Variants in SMAD4 observed in about 807,000 individuals in gnomAD.
SMAD4 encodes MAD homolog 4.
Under a neutral mutation model 63.2 loss-of-function variants are expected in SMAD4, and 7 were observed. The observed-to-expected ratio is 0.11, with a 90% CI of 0.06 to 0.21. The LOEUF (loss-of-function observed/expected upper bound fraction) is 0.21, where lower values mean the gene tolerates loss of function less well. Among genes scored for constraint, SMAD4 ranks in the 10% least tolerant of loss-of-function variants. The pLI, the probability that SMAD4 is intolerant of heterozygous loss-of-function variation, is 1.00. For missense variants in SMAD4, 312 were observed against 693.8 expected, an observed-to-expected ratio of 0.45 and a Z score of 6.18; for synonymous variants, 215 against 235.4, an observed-to-expected ratio of 0.91 and a Z score of 0.79.
chr18:51,070,045 T>C (rs1910274867), intron 10 of SMAD4, among the ~76,000 whole-genome samples: 2 of 152,226 alleles, frequency 1.3e-5, no homozygotes, highest in Admixed American at 1.3e-4. Flanking sequence ...TTGTATGTGG[T>C]TGAAGCAGAG....
intron 1 of SMAD4, 29 bp downstream of exon 1, chr18:51,030,652 C>T (rs1272486624): frequency 6.7e-6 from 1 of 149,658 alleles, no homozygotes; most frequent in East Asian, 2.0e-4. Flanking sequence ...CTCCCCTTCC[C>T]CCGGCCGGGC....
rs8096092 is a variant in SMAD4 at position 51,055,231 on chromosome 18, C to A, written c.667+238C>A. Among the ~76,000 whole-genome samples, 58,781 of 151,950 alleles carry A rather than the reference C, an allele frequency of 0.39. 11,421 individuals are homozygous for A. Among genetic ancestry groups the A allele is most frequent in the East Asian group, 0.45 (2,328 of 5,182 alleles). ...ATTTATACTTTACTATTACATGTAG[C>A]AGTAAGTAGCCTCTTAAGCTCCCAG... On this transcript the variant is annotated intron_variant, in intron 5 of 11. Coordinates refer to ENST00000342988, the MANE Select transcript of SMAD4 (RefSeq NM_005359.6).
chr18:51,049,095 T>C (rs1909631288), intron 3 of SMAD4, among the ~76,000 whole-genome samples, 200 bp from the exon 4 acceptor site: 1 of 152,236 alleles, frequency 6.6e-6, no homozygotes, highest in South Asian at 2.1e-4. Context: ...AACATTGTTT[T>C]TGAGAAATAA....
At chr18:51,069,646 A>G (rs911055641) in intron 10 of SMAD4, among the ~76,000 whole-genome samples, 2 of 152,198 alleles carry the variant, frequency 1.3e-5, no homozygotes, top group Non-Finnish European at 2.9e-5. Flanking sequence ...TCCTGAGGAA[A>G]TTGAGTTCCA....
intron 1 of SMAD4, among the ~76,000 whole-genome samples, chr18:51,037,137 T>C (rs1909230617): frequency 6.6e-6 from 1 of 152,218 alleles, no homozygotes. Context: ...TGAGCTGAGA[T>C]TGTGCCACTG....
chr18:51,065,185 T>TA (rs774723383), intron 8 of SMAD4, among the ~76,000 whole-genome samples: 183 of 148,638 alleles, frequency 1.2e-3, no homozygotes, highest in Non-Finnish European at 1.9e-3. Flanking sequence ...AATTGGAAAT[T>TA]AAAAAAAAAA....
At position 51,084,016 on chromosome 18, in the gene SMAD4, AC is replaced by A; in HGVS notation, c.*5550del. ...CGCGCGTGCGCACGCGCGCGCGCAC[AC>A]ACACACACACACACACACACACACA... On this transcript the variant is annotated 3_prime_UTR_variant, in exon 12 of 12. Transcript: ENST00000342988. The A allele has an allele frequency of 1.2e-5, 1 of 84,752 alleles. No individual in the cohort carries two copies. Among genetic ancestry groups the A allele is most frequent in the Non-Finnish European group, 2.3e-5 (1 of 43,474 alleles). The allele number at this position is 84,752 out of a possible 1,614,324, so 5.2% of individuals were successfully genotyped here. A position where few individuals can be genotyped will look rare whatever the true frequency, so the allele number is the denominator to read the frequency against.
At chr18:51,044,241 C>G (rs1909472865) in intron 1 of SMAD4, among the ~76,000 whole-genome samples, 1 of 151,730 alleles carries the variant, frequency 6.6e-6, no homozygotes, top group Non-Finnish European at 1.5e-5. Context: ...AACTCCTGAG[C>G]TCAAGCAGTC....
rs1291154249 is a variant in SMAD4 at position 51,082,513 on chromosome 18, T to A, written c.*4046T>A. On this transcript the variant is annotated 3_prime_UTR_variant, in exon 12 of 12. Transcript: ENST00000342988. The stretch of plus-strand genomic sequence containing the variant: ...TCTGGAATCACTGTGGAGTGAAATT[T>A]TCCACATCATCCAGAATTGCCTTAT... 4.4e-6 allele frequency: 1 copy of A among 228,966 alleles called. No homozygotes were observed. The highest frequency in any genetic ancestry group is 8.7e-6 in the Non-Finnish European group (1 of 115,438). The allele number at this position is 228,966 out of a possible 1,614,324, so 14.2% of individuals were successfully genotyped here.
chr18:51,048,620 A>C, intron 2 of SMAD4, 66 bp from the exon 3 acceptor site: 1 of 1,397,860 alleles, frequency 7.2e-7, no homozygotes, highest in Middle Eastern at 1.8e-4. Context: ...GTGAGGATTA[A>C]ATCAGAATAT....
intron 1 of SMAD4, among the ~76,000 whole-genome samples, chr18:51,036,083 C>A (rs1909195769): frequency 1.3e-5 from 2 of 152,230 alleles, no homozygotes; most frequent in Admixed American, 1.3e-4. Context: ...TTCAAGAGAT[C>A]TTGCCTCAGC....
intron 11 of SMAD4, chr18:51,077,452 GT>G: frequency 3.3e-6 from 3 of 918,630 alleles, no homozygotes; most frequent in Non-Finnish European, 3.9e-6. Flanking sequence ...GAAAACTGCA[GT>G]GGCCCTGCAG....
At chr18:51,057,970 G>A (rs574531329) in intron 5 of SMAD4, among the ~76,000 whole-genome samples, 155 bp from the exon 6 acceptor site, 22 of 152,332 alleles carry the variant, frequency 1.4e-4, no homozygotes, top group African/African-American at 5.1e-4. Flanking sequence ...ATAGATGACT[G>A]TAGGTTTTTT....
intron 7 of SMAD4, among the ~76,000 whole-genome samples, chr18:51,059,139 T>C (rs1599190584): frequency 6.6e-6 from 1 of 152,164 alleles, no homozygotes; most frequent in South Asian, 2.1e-4. Context: ...TATAAACAGG[T>C]ATATGTAAAT....
Position 51,083,878 on chromosome 18 carries a change from G to A in SMAD4, c.*5411G>A, listed in dbSNP as rs1242835588. The A allele has an allele frequency of 4.3e-6, 1 of 231,410 alleles. No individual in the cohort carries two copies. The highest frequency in any genetic ancestry group is 2.2e-5 in the African/African-American group (1 of 45,196). 14.3% of individuals were successfully genotyped at this position (231,410 alleles called of 1,614,324 possible). A position where few individuals can be genotyped will look rare whatever the true frequency, so the allele number is the denominator to read the frequency against. On this transcript the variant is annotated 3_prime_UTR_variant, in exon 12 of 12. Transcript: ENST00000342988. ...TTCCATGTTATTCAAAGGAGACTAG[G>A]CTTGATATTTTATTACTGTTCTTTT... is the stretch of plus-strand genomic sequence containing the variant.
chr18:51,060,670 G>T (rs923371965), intron 8 of SMAD4, among the ~76,000 whole-genome samples: 1 of 152,092 alleles, frequency 6.6e-6, no homozygotes, highest in African/African-American at 2.4e-5. Context: ...GCCTGGCTCT[G>T]TTGCCCAAAC....
At position 51,067,008 on chromosome 18, in the gene SMAD4, T is replaced by A. The variant is rs1224777335; in HGVS notation, c.1140-11T>A. ...ATCAAGATAAAATGTAATTTCTTTT[T>A]TCTTCCTAAGGTTGCACATAGGCAA... On this transcript the variant is annotated splice_polypyrimidine_tract_variant and intron_variant, in intron 9 of 11. Transcript: ENST00000342988. 16 of 1,602,482 alleles carry A rather than the reference T, an allele frequency of 1.0e-5. No homozygotes were observed. The highest frequency in any genetic ancestry group is 1.7e-5 in the Admixed American group (1 of 59,640).
intron 10 of SMAD4, among the ~76,000 whole-genome samples, chr18:51,070,854 A>C (rs983993706): frequency 4.6e-5 from 7 of 152,136 alleles, no homozygotes; most frequent in Non-Finnish European, 8.8e-5. Context: ...TTAGTTCATA[A>C]TGGCCCCAAA....
At chr18:51,052,526 T>C (rs1909738283) in intron 4 of SMAD4, 1 of 183,198 alleles carries the variant, frequency 5.5e-6, no homozygotes, top group Non-Finnish European at 1.2e-5. Flanking sequence ...GTGAATGAAT[T>C]TGTTGAATGC....
Sources: allele counts gnomAD v4.1 joint callset (sites outside exome capture counted in the v4.1 genomes callset), GRCh38; gene constraint gnomAD v4.1.1; transcripts MANE v1.5; gene names NCBI Gene and HGNC (gene_info 2026-07-23, HGNC 2026-07-21).